The following MRRF variants were observed in gnomAD, a reference collection of about 807,000 sequenced individuals.
The protein encoded by MRRF is ribosome-recycling factor, mitochondrial.
In MRRF, 18 loss-of-function variants were observed where a neutral mutation model predicts 25.1. That is an observed-to-expected ratio of 0.72 (90% CI 0.50 to 1.06). The LOEUF is 1.06. Ranked by LOEUF, MRRF falls within the 50% of genes least tolerant of loss-of-function variation. The pLI, the probability that MRRF is intolerant of heterozygous loss-of-function variation, is 0.00. For missense variants in MRRF, 323 were observed against 319.3 expected, an observed-to-expected ratio of 1.01 and a Z score of -0.09; for synonymous variants, 113 against 112.1, an observed-to-expected ratio of 1.01 and a Z score of -0.05.
chr9:122,279,806 A>T (rs1564477860), intron 2 of MRRF, among the ~76,000 whole-genome samples: 4 of 152,120 alleles, frequency 2.6e-5, no homozygotes, highest in Admixed American at 2.6e-4. Flanking sequence ...CAGCCATCAG[A>T]TATTGTGTGC....
rs771234691 is a variant in MRRF, at chr9:122,285,765, GT to G, written c.459+488del. On this transcript the variant is annotated intron_variant, in intron 4 of 6. Transcript: ENST00000344641. ...TCTGTAAATGTTGATGACTAATTGAGTTTTTTTTTTAAAGACTATGAAGCAA... is the reference window on the plus strand; with the variant it reads ...TCTGTAAATGTTGATGACTAATTGAGTTTTTTTTTAAAGACTATGAAGCAA... The G allele has an allele frequency of 3.8e-4, 419 of 1,109,570 alleles. 2 individuals are homozygous for G. The highest frequency in any genetic ancestry group is 1.1e-3 in the Middle Eastern group (4 of 3,596). 68.7% of individuals were successfully genotyped at this position (1,109,570 alleles called of 1,614,324 possible).
intron 4 of MRRF, 74 bp from the exon 5 acceptor site, chr9:122,291,663 AAGATGGGTTGCC>A: frequency 1.1e-6 from 1 of 925,722 alleles, no homozygotes; most frequent in African/African-American, 1.6e-5. Flanking sequence ...ATGTTCTGCC[AAGATGGGTTGCC>A]AGTTATCGAC....
intron 5 of MRRF, among the ~76,000 whole-genome samples, chr9:122,300,455 A>C (rs1834376038): frequency 2.0e-5 from 3 of 152,188 alleles, no homozygotes; most frequent in Admixed American, 1.3e-4. Context: ...GAAGAGTAAT[A>C]GGATATTATA....
chr9:122,322,638 T>C lies in MRRF; in HGVS notation c.*21T>C. 1 of 1,611,288 alleles carries C rather than the reference T, an allele frequency of 6.2e-7. No homozygotes were observed. The highest frequency in any genetic ancestry group is 2.2e-5 in the East Asian group (1 of 44,862). ...GATGAAAGTCCACTGGGGCCAGCAA[T>C]ACTCCAGAGCCCAGTTTCTGCTGGA... On this transcript the variant is annotated 3_prime_UTR_variant, in exon 7 of 7. Transcript: ENST00000344641.
At chr9:122,286,384 A>G (rs943563811) in intron 4 of MRRF, among the ~76,000 whole-genome samples, 1 of 152,302 alleles carries the variant, frequency 6.6e-6, no homozygotes, top group Non-Finnish European at 1.5e-5. Context: ...TCCATTCTCC[A>G]TACTATAACC....
At chr9:122,265,292 C>T (rs1831994073) in intron 1 of MRRF, among the ~76,000 whole-genome samples, 1 of 152,164 alleles carries the variant, frequency 6.6e-6, no homozygotes, top group Non-Finnish European at 1.5e-5. Context: ...ACCAGGGTCA[C>T]GCGGTCAGAA....
intron 4 of MRRF, 99 bp from the exon 5 acceptor site, chr9:122,291,650 T>C: frequency 1.2e-6 from 1 of 857,148 alleles, no homozygotes; most frequent in African/African-American, 1.6e-5. Context: ...ACTAAATGTT[T>C]CCATGTTCTG....
At chr9:122,315,588 C>G (rs116778698) in intron 6 of MRRF, among the ~76,000 whole-genome samples, 146 of 152,344 alleles carry the variant, frequency 9.6e-4, no homozygotes, top group African/African-American at 3.3e-3. Context: ...CTGCCCTCCT[C>G]CTTCCCTGTA....
chr9:122,268,357 C>T (rs534894393), intron 1 of MRRF, among the ~76,000 whole-genome samples: 18 of 152,300 alleles, frequency 1.2e-4, no homozygotes, highest in Admixed American at 1.1e-3. Flanking sequence ...AACAGGAATA[C>T]CAGGAAACCT....
chr9:122,301,519 CT>C (rs1421951130), intron 5 of MRRF, among the ~76,000 whole-genome samples: 5 of 152,148 alleles, frequency 3.3e-5, no homozygotes, highest in African/African-American at 9.7e-5. Context: ...AGAATATTTA[CT>C]TTTGTGAAGA....
chr9:122,269,010 C>CA (rs1832285731), intron 1 of MRRF, among the ~76,000 whole-genome samples: 1 of 151,772 alleles, frequency 6.6e-6, no homozygotes, highest in Non-Finnish European at 1.5e-5. Context: ...CTAAAAAATA[C>CA]AAAAAATTAG....
intron 6 of MRRF, among the ~76,000 whole-genome samples, chr9:122,316,083 G>A (rs1167849017): frequency 6.6e-6 from 1 of 152,094 alleles, no homozygotes; most frequent in Non-Finnish European, 1.5e-5. Context: ...TAACATTTTA[G>A]TGTAGAACTT....
At chr9:122,316,971 G>C (rs976230887) in intron 6 of MRRF, among the ~76,000 whole-genome samples, 11 of 151,308 alleles carry the variant, frequency 7.3e-5, no homozygotes, top group Non-Finnish European at 1.0e-4. Flanking sequence ...TCTTTCTGAT[G>C]GCTGCTAAAT....
At chr9:122,308,573 A>T (rs1376434397) in intron 5 of MRRF, among the ~76,000 whole-genome samples, 1 of 151,060 alleles carries the variant, frequency 6.6e-6, no homozygotes, top group East Asian at 2.0e-4. Context: ...GTGGCTTGTG[A>T]CTGTAATCCC....
At chr9:122,283,966 TTTGTTGTTG>T (rs199591983) in intron 3 of MRRF, among the ~76,000 whole-genome samples, 3,125 of 150,628 alleles carry the variant, frequency 0.021, 87 homozygotes, top group African/African-American at 0.068. Flanking sequence ...TGTTAATAGT[TTTGTTGTTG>T]TTGTTGTTGT....
chr9:122,279,703 G>T (rs960557102), intron 2 of MRRF, among the ~76,000 whole-genome samples: 9 of 152,134 alleles, frequency 5.9e-5, no homozygotes, highest in African/African-American at 1.9e-4. Flanking sequence ...AGCTCCCAAT[G>T]CTGTTGATTT....
chr9:122,280,579 C>G lies in MRRF; in HGVS notation c.321C>G (p.Leu107=). The change falls in exon 3 of 7, where the codon CTC becomes CTG. Residue 107 remains leucine, a synonymous_variant. Coordinates refer to ENST00000344641, the MANE Select transcript of MRRF (RefSeq NM_138777.5). ...TCAAGGATAATTTCAATAAGACTCTCAATATAAGGACCTCACCAGGTTAGT... is the reference window on the plus strand; with the variant it reads ...TCAAGGATAATTTCAATAAGACTCTGAATATAAGGACCTCACCAGGTTAGT... ...EALKDNFNKT[L]NIRTSPGSLD... is the part of the protein sequence containing the mutation. 6.2e-7 allele frequency: 1 copy of G among 1,613,852 alleles called. No individual in the cohort carries two copies. Among genetic ancestry groups the G allele is most frequent in the Non-Finnish European group, 8.5e-7 (1 of 1,179,798 alleles).
intron 5 of MRRF, 152 bp from the exon 6 acceptor site, chr9:122,313,075 C>T: frequency 1.2e-6 from 1 of 808,826 alleles, no homozygotes; most frequent in Admixed American, 2.2e-5. Flanking sequence ...AGCCTTTATA[C>T]ATGCGTTTTC....
intron 4 of MRRF, chr9:122,286,032 C>T: frequency 7.7e-7 from 1 of 1,298,280 alleles, no homozygotes; most frequent in Non-Finnish European, 1.0e-6. Context: ...TGTTATTGGT[C>T]CACTAGGAAT....
Sources: gnomAD v4.1 joint callset for allele counts (sites outside exome capture counted in the v4.1 genomes callset) on GRCh38, gnomAD v4.1.1 for gene constraint, MANE v1.5 for transcripts, NCBI Gene and HGNC (gene_info 2026-07-23, HGNC 2026-07-21) for gene names.